The following SH3KBP1 variants were observed in gnomAD, a reference collection of about 807,000 sequenced individuals.
The protein encoded by SH3KBP1 is SH3 domain containing kinase binding protein 1.
A neutral mutation model predicts 50.1 loss-of-function variants in SH3KBP1; 8 were observed. That is an observed-to-expected ratio of 0.16 (90% CI 0.09 to 0.29). SH3KBP1 has a LOEUF of 0.29. Among genes scored for constraint, SH3KBP1 ranks in the 10% least tolerant of loss-of-function variants. SH3KBP1 has a pLI of 1.00. For synonymous variants in SH3KBP1, 227 were observed against 218.6 expected (o/e 1.04, Z -0.34); for missense variants, 377 against 535.2 (o/e 0.70, Z 2.92).
intron 13 of SH3KBP1, among the ~76,000 whole-genome samples, chrX:19,554,643 C>T (rs1222957977): frequency 9.1e-6 from 1 of 110,127 alleles, no homozygotes; most frequent in East Asian, 2.8e-4. Context: ...CTCAGGTGAT[C>T]CACCCACCTC....
At chrX:19,543,403 C>A (rs1010506362) in intron 15 of SH3KBP1, among the ~76,000 whole-genome samples, 3 of 111,485 alleles carry the variant, frequency 2.7e-5, no homozygotes, top group African/African-American at 9.8e-5. Flanking sequence ...GGGGATGAAG[C>A]AGAAGACAGG....
At chrX:19,803,832 C>G (rs2066955194) in intron 2 of SH3KBP1, among the ~76,000 whole-genome samples, 1 of 112,041 alleles carries the variant, frequency 8.9e-6, no homozygotes, top group African/African-American at 3.2e-5. Context: ...AAAGACATCC[C>G]CTGGCCCTTC....
chrX:19,789,806 C>G (rs1380076970), intron 2 of SH3KBP1, among the ~76,000 whole-genome samples: 1 of 110,368 alleles, frequency 9.1e-6, no homozygotes, highest in African/African-American at 3.3e-5. Context: ...ACTATTTGAC[C>G]CCAGAGGCCA....
intron 2 of SH3KBP1, among the ~76,000 whole-genome samples, chrX:19,792,285 T>C (rs889329970): frequency 9.0e-6 from 1 of 111,560 alleles, no homozygotes; most frequent in Non-Finnish European, 1.9e-5. Context: ...ATTTGGAAAA[T>C]TATTTTTTTA....
At chrX:19,826,138 A>G (rs2067664001) in intron 2 of SH3KBP1, among the ~76,000 whole-genome samples, 1 of 112,511 alleles carries the variant, frequency 8.9e-6, no homozygotes, top group Non-Finnish European at 1.9e-5. Context: ...GAAACTTCTC[A>G]AGTGGCATTT....
At chrX:19,669,222 T>TAC (rs2062717334) in intron 6 of SH3KBP1, among the ~76,000 whole-genome samples, 1 of 103,923 alleles carries the variant, frequency 9.6e-6, no homozygotes, top group African/African-American at 3.5e-5. Flanking sequence ...TGCCTCAGCC[T>TAC]CCCAAAGTGC....
chrX:19,614,244 C>T (rs1051420623), intron 8 of SH3KBP1, among the ~76,000 whole-genome samples: 1 of 112,766 alleles, frequency 8.9e-6, no homozygotes, highest in Non-Finnish European at 1.9e-5. Flanking sequence ...GCCAGCATGG[C>T]CCCGTGTAAC....
chrX:19,613,562 A>G (rs1053365706), intron 8 of SH3KBP1, among the ~76,000 whole-genome samples: 2 of 112,646 alleles, frequency 1.8e-5, no homozygotes, highest in Middle Eastern at 9.1e-3. Context: ...AATGGCCAAA[A>G]TGGTTTCTCT....
intron 1 of SH3KBP1, among the ~76,000 whole-genome samples, chrX:19,873,284 A>ATACG (rs1224185019): frequency 9.4e-4 from 84 of 89,122 alleles, no homozygotes; most frequent in African/African-American, 3.6e-3. Flanking sequence ...ATATATATAT[A>ATACG]TATATGTATA....
chrX:19,763,716 A>G (rs2065500670), intron 2 of SH3KBP1, among the ~76,000 whole-genome samples: 1 of 111,858 alleles, frequency 8.9e-6, no homozygotes. Context: ...TCCCACTCAA[A>G]GATTATTTTA....
chrX:19,617,934 A>G (rs2067667512), intron 8 of SH3KBP1, among the ~76,000 whole-genome samples: 1 of 111,490 alleles, frequency 9.0e-6, no homozygotes, highest in Admixed American at 9.5e-5. Context: ...AAAACCTTAA[A>G]CCAAATCTCA....
At chrX:19,830,738 C>T (rs1443414287) in intron 2 of SH3KBP1, among the ~76,000 whole-genome samples, 6 of 109,466 alleles carry the variant, frequency 5.5e-5, no homozygotes, top group East Asian at 5.7e-4. Context: ...CTCCAGCCTA[C>T]GTGACAGAAT....
intron 13 of SH3KBP1, among the ~76,000 whole-genome samples, chrX:19,559,568 A>G (rs2065607987): frequency 9.1e-6 from 1 of 110,017 alleles, no homozygotes; most frequent in Non-Finnish European, 1.9e-5. Flanking sequence ...TGACCTCGTG[A>G]TCCACCTGCC....
At chrX:19,580,118 T>C (rs914139383) in intron 12 of SH3KBP1, among the ~76,000 whole-genome samples, 13 of 111,095 alleles carry the variant, frequency 1.2e-4, no homozygotes, top group Non-Finnish European at 2.5e-4. Flanking sequence ...AAGAAGAGGG[T>C]TGGGGTTTCA....
intron 6 of SH3KBP1, among the ~76,000 whole-genome samples, chrX:19,671,714 T>C (rs1037314081): frequency 1.8e-5 from 2 of 111,784 alleles, no homozygotes; most frequent in Non-Finnish European, 3.8e-5. Context: ...TCAGTTTCCT[T>C]ATCTATAAAA....
At chrX:19,627,849 G>A (rs1390192648) in intron 8 of SH3KBP1, among the ~76,000 whole-genome samples, 1 of 112,220 alleles carries the variant, frequency 8.9e-6, no homozygotes, top group African/African-American at 3.2e-5. Context: ...GAGGAATTCG[G>A]GGTCTATCAG....
chrX:19,695,588 G>T, intron 5 of SH3KBP1, 24 bp downstream of exon 5: 1 of 1,207,045 alleles, frequency 8.3e-7, no homozygotes, highest in Non-Finnish European at 1.1e-6. Flanking sequence ...CCCCTCTCCT[G>T]CTTGGTAGGG....
At chrX:19,638,907 A>C (rs1260282531) in intron 7 of SH3KBP1, among the ~76,000 whole-genome samples, 1 of 112,042 alleles carries the variant, frequency 8.9e-6, no homozygotes, top group Non-Finnish European at 1.9e-5. Flanking sequence ...ACTACAGTCT[A>C]TACCAGCAGT....
chrX:19,605,814 G>T (rs760296110), intron 9 of SH3KBP1, among the ~76,000 whole-genome samples: 1 of 111,721 alleles, frequency 9.0e-6, no homozygotes, highest in Admixed American at 9.5e-5. Flanking sequence ...TCAGGCAGCA[G>T]ATCCAGAAAA....
Sources: gnomAD v4.1 joint callset for allele counts (sites outside exome capture counted in the v4.1 genomes callset) on GRCh38, gnomAD v4.1.1 for gene constraint, MANE v1.5 for transcripts, NCBI Gene and HGNC (gene_info 2026-07-23, HGNC 2026-07-21) for gene names.